Variants in PTPRT observed in about 807,000 individuals in gnomAD.
The protein encoded by PTPRT is protein tyrosine phosphatase receptor type T.
Under a neutral mutation model 176.8 loss-of-function variants are expected in PTPRT, and 56 were observed. The observed-to-expected ratio is 0.32, with a 90% confidence interval of 0.26 to 0.40. The LOEUF is 0.40. Ranked by LOEUF, PTPRT falls within the 10% of genes least tolerant of loss-of-function variation. PTPRT has a pLI of 1.00. For synonymous variants in PTPRT, 783 were observed against 739.0 expected, an observed-to-expected ratio of 1.06 and a Z score of -0.96; for missense variants, 1,540 against 1,908.2, an observed-to-expected ratio of 0.81 and a Z score of 3.60.
Position 42,119,948 on chromosome 20 carries a change from G to A in PTPRT, c.2871C>T (p.Tyr957=), listed in dbSNP as rs1289285511. The A allele has an allele frequency of 6.2e-7, 1 of 1,609,174 alleles. No homozygotes were observed. The highest frequency in any genetic ancestry group is 1.1e-5 in the South Asian group (1 of 90,338). The change falls in exon 20 of 31, where the codon TAC becomes TAT. Residue 957 remains tyrosine, a synonymous_variant. Transcript: ENST00000373187. Reference sequence around the variant, plus strand: ...GAGGGCACTTACCTTGAGTCGCAATGTAGTGCCGAGGTCGATGGTATCCCT... The same window carrying A: ...GAGGGCACTTACCTTGAGTCGCAATATAGTGCCGAGGTCGATGGTATCCCT... The part of the protein sequence containing the change: ...YIDGYHRPRH[Y]IATQGPMQET...
intron 7 of PTPRT, among the ~76,000 whole-genome samples, chr20:42,522,102 A>G (rs1418045117): frequency 4.7e-5 from 7 of 150,366 alleles, no homozygotes; most frequent in African/African-American, 1.7e-4. Flanking sequence ...CTTCTTTGGG[A>G]ATTCCAGTAT....
rs200752419 is a variant in PTPRT, at chr20:42,798,549, C to CA, written c.215-7084dup. 8.5e-3 allele frequency among the ~76,000 whole-genome samples: 1,284 copies of CA among 151,372 alleles called. 28 individuals carry two copies. The highest frequency in any genetic ancestry group is 0.029 in the African/African-American group (1,189 of 41,254). ...TGAAAGCAATCTAATTATCAAGTGTCAAAAAAAAGAAATCTGCTGCTTTTC... is the reference window on the plus strand; with the variant it reads ...TGAAAGCAATCTAATTATCAAGTGTCAAAAAAAAAGAAATCTGCTGCTTTTC... On this transcript the variant is annotated intron_variant, in intron 2 of 30. Coordinates refer to ENST00000373187, the MANE Select transcript of PTPRT (RefSeq NM_007050.6).
intron 7 of PTPRT, among the ~76,000 whole-genome samples, chr20:42,561,198 C>T (rs1176056507): frequency 6.6e-6 from 1 of 152,218 alleles, no homozygotes; most frequent in Non-Finnish European, 1.5e-5. Context: ...CAGTAAACGT[C>T]TGTGCCAGTT....
chr20:42,643,581 C>G (rs552849255), intron 7 of PTPRT, among the ~76,000 whole-genome samples: 2 of 152,038 alleles, frequency 1.3e-5, no homozygotes, highest in Admixed American at 1.3e-4. Context: ...CCTCCTAAAG[C>G]ACTGGGATCA....
At chr20:42,427,232 A>G (rs1469078291) in intron 9 of PTPRT, among the ~76,000 whole-genome samples, 2 of 152,184 alleles carry the variant, frequency 1.3e-5, no homozygotes, top group Non-Finnish European at 2.9e-5. Context: ...GCATGGCAAT[A>G]CTTTACTGAG....
At chr20:42,798,885 G>A (rs541703958) in intron 2 of PTPRT, among the ~76,000 whole-genome samples, 6 of 152,086 alleles carry the variant, frequency 3.9e-5, no homozygotes, top group African/African-American at 1.2e-4. Context: ...ATTTGAAGGC[G>A]CACTGGTGGA....
At chr20:42,806,497 A>C (rs1007255576) in intron 2 of PTPRT, among the ~76,000 whole-genome samples, 6 of 151,892 alleles carry the variant, frequency 4.0e-5, no homozygotes, top group African/African-American at 1.2e-4. Flanking sequence ...AAAAAAAAAA[A>C]AAAAACCCAA....
intron 30 of PTPRT, among the ~76,000 whole-genome samples, chr20:42,081,666 C>G (rs1268362522): frequency 6.6e-6 from 1 of 152,064 alleles, no homozygotes; most frequent in African/African-American, 2.4e-5. Context: ...AGTAGGTGTA[C>G]CAGGATTAGT....
chr20:42,663,719 C>A (rs537288493), intron 7 of PTPRT, among the ~76,000 whole-genome samples: 4 of 152,286 alleles, frequency 2.6e-5, no homozygotes, highest in Non-Finnish European at 5.9e-5. Context: ...TACTTACACT[C>A]GTGGTTTTGT....
At chr20:43,005,397 A>G (rs1345548278) in intron 1 of PTPRT, among the ~76,000 whole-genome samples, 1 of 152,062 alleles carries the variant, frequency 6.6e-6, no homozygotes, top group Non-Finnish European at 1.5e-5. Context: ...CTTTGCACGT[A>G]TTCTCAAACT....
At chr20:42,274,363 G>C (rs955054914) in intron 13 of PTPRT, among the ~76,000 whole-genome samples, 2 of 152,172 alleles carry the variant, frequency 1.3e-5, no homozygotes, top group Admixed American at 6.5e-5. Flanking sequence ...GTGGTATTAA[G>C]CTACTGGGAG....
chr20:43,044,262 C>A lies in PTPRT; in HGVS notation c.88+145384G>T, dbSNP rs78564555. On this transcript the variant is annotated intron_variant, in intron 1 of 30. Coordinates refer to ENST00000373187, the MANE Select transcript of PTPRT (RefSeq NM_007050.6). ...GGCTGGGAGAAGACAGAAGGCAAGT[C>A]TGACCAGAGGGCAGTTGACCAGGAG... Among the ~76,000 whole-genome samples the A allele has an allele frequency of 4.4e-3, 664 of 152,208 alleles. 5 individuals carry two copies. The highest frequency in any genetic ancestry group is 0.015 in the African/African-American group (636 of 41,538).
At chr20:42,891,748 G>T (rs955582338) in intron 1 of PTPRT, among the ~76,000 whole-genome samples, 1 of 152,210 alleles carries the variant, frequency 6.6e-6, no homozygotes, top group African/African-American at 2.4e-5. Context: ...GGAACTAAAA[G>T]ATTCGTTGGG....
At chr20:42,196,323 G>T (rs992031205) in intron 16 of PTPRT, among the ~76,000 whole-genome samples, 1 of 152,108 alleles carries the variant, frequency 6.6e-6, no homozygotes, top group African/African-American at 2.4e-5. Flanking sequence ...AGCTCCTGAT[G>T]AGCCTTTCTC....
chr20:42,325,646 A>G (rs192777890), intron 11 of PTPRT, among the ~76,000 whole-genome samples: 5 of 152,190 alleles, frequency 3.3e-5, no homozygotes, highest in African/African-American at 1.2e-4. Flanking sequence ...TAGCCTCCCA[A>G]CTGGTCTCCC....
At chr20:43,146,765 A>G (rs2014182925) in intron 1 of PTPRT, among the ~76,000 whole-genome samples, 1 of 152,096 alleles carries the variant, frequency 6.6e-6, no homozygotes, top group Non-Finnish European at 1.5e-5. Context: ...CTTTTTCTTA[A>G]AGTGGGCCCC....
At chr20:42,987,273 A>C (rs941220747) in intron 1 of PTPRT, among the ~76,000 whole-genome samples, 10 of 152,220 alleles carry the variant, frequency 6.6e-5, no homozygotes, top group Non-Finnish European at 1.2e-4. Flanking sequence ...CCTACTGGCC[A>C]CATGAGGCTA....
chr20:42,465,534 T>C (rs569473204), intron 8 of PTPRT, among the ~76,000 whole-genome samples: 10 of 152,264 alleles, frequency 6.6e-5, no homozygotes, highest in South Asian at 4.1e-4. Flanking sequence ...TAGGATATAC[T>C]GAGTGAACAA....
At chr20:42,072,471 A>T (rs75424049), downstream of PTPRT, among the ~76,000 whole-genome samples, 1 of 152,220 alleles carries the variant, frequency 6.6e-6, no homozygotes. Context: ...CTGTATGTTT[A>T]ACAAAGTTCC....
Sources: allele counts gnomAD v4.1 joint callset (sites outside exome capture counted in the v4.1 genomes callset), GRCh38; gene constraint gnomAD v4.1.1; transcripts MANE v1.5; gene names NCBI Gene and HGNC (gene_info 2026-07-23, HGNC 2026-07-21).